ELMO1: variants seen among roughly 807,000 people sequenced by gnomAD.
ELMO1 encodes the protein engulfment and cell motility 1.
ELMO1 carries 26 observed loss-of-function variants against 98.9 expected under a neutral mutation model. The ratio of observed to expected loss-of-function variants is 0.26; its 90% CI spans 0.19 to 0.36. The LOEUF is 0.36. Among genes scored for constraint, ELMO1 ranks in the 10% least tolerant of loss-of-function variants. The pLI is 1.00. For missense variants in ELMO1, 627 were observed against 935.2 expected (o/e 0.67, Z 4.30); for synonymous variants, 346 against 346.0 (o/e 1.00, Z 0.00).
At chr7:37,219,237 G>A (rs1793464075) in intron 10 of ELMO1, among the ~76,000 whole-genome samples, 1 of 152,146 alleles carries the variant, frequency 6.6e-6, no homozygotes, top group Admixed American at 6.5e-5. Flanking sequence ...TCTCAGTAAG[G>A]CCTACCTCAC....
chr7:37,318,126 T>C (rs2131118595), intron 2 of ELMO1, among the ~76,000 whole-genome samples: 1 of 152,318 alleles, frequency 6.6e-6, no homozygotes, highest in African/African-American at 2.4e-5. Context: ...GTTACATAAG[T>C]CCTAGGCCTT....
intron 7 of ELMO1, among the ~76,000 whole-genome samples, chr7:37,234,596 C>T (rs569352100): frequency 6.6e-6 from 1 of 152,208 alleles, no homozygotes; most frequent in Non-Finnish European, 1.5e-5. Flanking sequence ...TGGAGTCAGA[C>T]AGCAGGGGTT....
At chr7:37,115,396 C>A (rs1300869077) in intron 14 of ELMO1, among the ~76,000 whole-genome samples, 1 of 152,066 alleles carries the variant, frequency 6.6e-6, no homozygotes, top group African/African-American at 2.4e-5. Context: ...GAATTATGCA[C>A]CACAACCGAG....
intron 1 of ELMO1, among the ~76,000 whole-genome samples, chr7:37,372,160 ACT>A (rs1473582001): frequency 6.6e-6 from 1 of 151,992 alleles, no homozygotes; most frequent in Non-Finnish European, 1.5e-5. Flanking sequence ...CAGTTCCAAA[ACT>A]CTAATTTATT....
In ELMO1 at chr7:37,155,487, C is replaced by CAAAAAAAAAAAAAAAAAAA. The variant is rs781745325; in HGVS notation, c.1087-22272_1087-22254dup. 6.0e-5 allele frequency among the ~76,000 whole-genome samples: 3 copies of CAAAAAAAAAAAAAAAAAAA among 49,680 alleles called. 1 individual carries two copies. The highest frequency in any genetic ancestry group is 2.0e-4 in the African/African-American group (3 of 15,026). 32.6% of individuals were successfully genotyped at this position (49,680 alleles called of 152,430 possible). On this transcript the variant is annotated intron_variant, in intron 13 of 21. Transcript: ENST00000310758. ...GATGGAGGAAGAAGCAAACGGAAAG[C>CAAAAAAAAAAAAAAAAAAA]AAAAAAAAAAAAAAAAAAAAAGCAG...
chr7:37,294,368 AAAAG>A (rs1189449036), intron 4 of ELMO1, among the ~76,000 whole-genome samples: 1 of 152,056 alleles, frequency 6.6e-6, no homozygotes, highest in Non-Finnish European at 1.5e-5. Flanking sequence ...AAAAAAAAAA[AAAAG>A]GACAGGAGAA....
intron 20 of ELMO1, among the ~76,000 whole-genome samples, chr7:36,863,216 G>A (rs1802769779): frequency 6.6e-6 from 1 of 152,106 alleles, no homozygotes; most frequent in Admixed American, 6.5e-5. Context: ...GAGCTATTCT[G>A]CAAAAATGCT....
At chr7:37,255,899 G>A (rs937045933) in intron 6 of ELMO1, among the ~76,000 whole-genome samples, 6 of 152,174 alleles carry the variant, frequency 3.9e-5, no homozygotes, top group African/African-American at 1.4e-4. Context: ...AGAAGCCGTG[G>A]GGGGTATGTA....
At chr7:36,926,141 A>C (rs1785551577) in intron 16 of ELMO1, among the ~76,000 whole-genome samples, 1 of 152,160 alleles carries the variant, frequency 6.6e-6, no homozygotes, top group African/African-American at 2.4e-5. Context: ...GTGTTACATA[A>C]GGAAGATCCC....
intron 15 of ELMO1, among the ~76,000 whole-genome samples, chr7:37,075,053 C>G (rs1009208469): frequency 6.6e-6 from 1 of 151,928 alleles, no homozygotes; most frequent in Non-Finnish European, 1.5e-5. Context: ...TGTCCACGAG[C>G]AATAAAAGGT....
intron 13 of ELMO1, among the ~76,000 whole-genome samples, chr7:37,157,516 A>T (rs182598455): frequency 6.6e-6 from 1 of 150,922 alleles, no homozygotes; most frequent in Non-Finnish European, 1.5e-5. Context: ...ATTCCTATGT[A>T]CCAAGAATAG....
intron 14 of ELMO1, among the ~76,000 whole-genome samples, chr7:37,105,212 T>G (rs1299929630): frequency 6.6e-6 from 1 of 152,206 alleles, no homozygotes; most frequent in Non-Finnish European, 1.5e-5. Context: ...TCACCTCAGG[T>G]AGCACAAAGA....
chr7:37,214,467 G>A (rs1018460155), intron 11 of ELMO1, among the ~76,000 whole-genome samples: 1 of 152,112 alleles, frequency 6.6e-6, no homozygotes, highest in African/African-American at 2.4e-5. Context: ...AGGATTGGAG[G>A]AAGTCTAGGT....
At chr7:37,253,178 A>C (rs1031067907) in intron 6 of ELMO1, among the ~76,000 whole-genome samples, 1 of 152,184 alleles carries the variant, frequency 6.6e-6, no homozygotes, top group South Asian at 2.1e-4. Flanking sequence ...GTGATTCCTC[A>C]AGGATCTAGA....
At chr7:37,227,707 T>A (rs1353532510) in intron 8 of ELMO1, among the ~76,000 whole-genome samples, 1 of 152,226 alleles carries the variant, frequency 6.6e-6, no homozygotes, top group Non-Finnish European at 1.5e-5. Context: ...TTTTCTGATA[T>A]GAAGTATACC....
rs535261489 is a variant in ELMO1 at position 37,163,639 on chromosome 7, A to C, written c.1087-30405T>G. On this transcript the variant is annotated intron_variant, in intron 13 of 21. Transcript: ENST00000310758. ...TAGTTTACTGAGAATGATGATTTCC[A>C]ATTTCATCCATGTCCCTACAAAGGA... is the stretch of plus-strand genomic sequence containing the variant. Among the ~76,000 whole-genome samples the C allele has an allele frequency of 6.6e-3, 1,005 of 152,138 alleles. 6 individuals are homozygous for C. The highest frequency in any genetic ancestry group is 0.011 in the Non-Finnish European group (714 of 67,994).
chr7:37,418,408 C>A (rs1647800), intron 1 of ELMO1, among the ~76,000 whole-genome samples: 1 of 152,192 alleles, frequency 6.6e-6, no homozygotes, highest in Non-Finnish European at 1.5e-5. Context: ...CCACAGTACT[C>A]CAAGCAGTTA....
At chr7:37,081,842 A>G (rs1424940351) in intron 15 of ELMO1, among the ~76,000 whole-genome samples, 9 of 152,198 alleles carry the variant, frequency 5.9e-5, no homozygotes, top group Non-Finnish European at 1.0e-4. Context: ...AAATAATGAA[A>G]ACAATGAACC....
chr7:36,920,674 C>G (rs554650761), intron 16 of ELMO1, among the ~76,000 whole-genome samples: 13 of 152,138 alleles, frequency 8.5e-5, no homozygotes, highest in Non-Finnish European at 1.3e-4. Context: ...AAATCCCTCT[C>G]CAACATGGTA....
Sources: gnomAD v4.1 joint callset for allele counts (sites outside exome capture counted in the v4.1 genomes callset) on GRCh38, gnomAD v4.1.1 for gene constraint, MANE v1.5 for transcripts, NCBI Gene and HGNC (gene_info 2026-07-23, HGNC 2026-07-21) for gene names.